Variants in HERC6 observed in about 807,000 individuals in gnomAD.
HERC6 encodes probable E3 ubiquitin-protein ligase HERC6.
In HERC6, 101 loss-of-function variants were observed where a neutral mutation model predicts 114.5. The observed-to-expected ratio is 0.88, with a 90% confidence interval of 0.75 to 1.04. HERC6 has a LOEUF of 1.04. Ranked by LOEUF, HERC6 falls within the 50% of genes least tolerant of loss-of-function variation. The pLI is 0.00. For missense variants in HERC6, 1,133 were observed against 1,230.9 expected, an observed-to-expected ratio of 0.92 and a Z score of 1.19; for synonymous variants, 408 against 436.2, an observed-to-expected ratio of 0.94 and a Z score of 0.81.
intron 8 of HERC6, among the ~76,000 whole-genome samples, chr4:88,401,398 C>T (rs1735529032): frequency 6.7e-6 from 1 of 148,774 alleles, no homozygotes; most frequent in Non-Finnish European, 1.5e-5. Flanking sequence ...GAGGCTGAGG[C>T]AGAGAATTGC....
intron 17 of HERC6, among the ~76,000 whole-genome samples, chr4:88,434,472 C>T (rs1369461620): frequency 2.0e-5 from 3 of 151,756 alleles, no homozygotes; most frequent in Non-Finnish European, 2.9e-5. Context: ...AATGGAGAGG[C>T]GAAGGCCTGA....
Position 88,384,977 on chromosome 4 carries a change from C to T in HERC6, c.360-522C>T, listed in dbSNP as rs142878496. On this transcript the variant is annotated intron_variant, in intron 2 of 22. Coordinates refer to ENST00000264346, the MANE Select transcript of HERC6 (RefSeq NM_017912.4). Reference sequence around the variant, plus strand: ...GGAGGAGGTTATAGTGAGCCAAGATCGCACCACTGCCCTCCAGCCTGGGTG... The same window carrying T: ...GGAGGAGGTTATAGTGAGCCAAGATTGCACCACTGCCCTCCAGCCTGGGTG... 6.9e-3 allele frequency among the ~76,000 whole-genome samples: 1,042 copies of T among 151,886 alleles called. 11 individuals carry two copies. Among genetic ancestry groups the T allele is most frequent in the South Asian group, 0.034 (164 of 4,802 alleles).
chr4:88,380,661 G>C (rs1734269941), intron 1 of HERC6, among the ~76,000 whole-genome samples: 1 of 149,326 alleles, frequency 6.7e-6, no homozygotes, highest in South Asian at 2.1e-4. Context: ...AGGTTGCAGT[G>C]AGCCGAAATC....
At chr4:88,410,079 C>G (rs12641473) in intron 11 of HERC6, among the ~76,000 whole-genome samples, 11,023 of 152,216 alleles carry the variant, frequency 0.072, 705 homozygotes, top group East Asian at 0.34. Flanking sequence ...TAAGACAGGT[C>G]TCAGTTAATT....
intron 14 of HERC6, 151 bp from the exon 15 acceptor site, chr4:88,424,444 A>G: frequency 1.6e-6 from 1 of 640,180 alleles, no homozygotes; most frequent in Non-Finnish European, 2.7e-6. Flanking sequence ...ATGCCCCTGC[A>G]CTCCAGCCTG....
intron 11 of HERC6, among the ~76,000 whole-genome samples, chr4:88,411,278 G>C (rs556197212): frequency 1.3e-5 from 2 of 152,064 alleles, no homozygotes; most frequent in Non-Finnish European, 2.9e-5. Context: ...CATAAAAAAG[G>C]GTTCTTAATG....
chr4:88,406,483 T>A (rs1408251398), intron 10 of HERC6, among the ~76,000 whole-genome samples: 2 of 152,314 alleles, frequency 1.3e-5, no homozygotes, highest in Admixed American at 1.3e-4. Context: ...GAGGAACTGT[T>A]GGATGCCAAT....
intron 13 of HERC6, among the ~76,000 whole-genome samples, chr4:88,421,336 GTTTAA>G (rs1348624530): frequency 2.0e-5 from 3 of 152,080 alleles, no homozygotes; most frequent in Admixed American, 6.6e-5. Flanking sequence ...GGCAACTCTA[GTTTAA>G]TCTTGTGAGG....
chr4:88,434,888 G>C lies in HERC6; in HGVS notation c.2251-837G>C, dbSNP rs56394242. On this transcript the variant is annotated intron_variant, in intron 17 of 22. Coordinates refer to ENST00000264346, the MANE Select transcript of HERC6 (RefSeq NM_017912.4). ...GGAAAGAAGACTGATTAGGTTTCAG[G>C]GGACCCCTTTGTCGATTACTTGTAT... Among the ~76,000 whole-genome samples the C allele has an allele frequency of 9.6e-3, 1,467 of 152,170 alleles. 30 individuals carry two copies. Among genetic ancestry groups the C allele is most frequent in the African/African-American group, 0.033 (1,362 of 41,506 alleles).
chr4:88,421,301 C>T (rs1309296271), intron 13 of HERC6, among the ~76,000 whole-genome samples: 2 of 152,248 alleles, frequency 1.3e-5, no homozygotes, highest in South Asian at 2.1e-4. Flanking sequence ...CGTATATACC[C>T]AAGAGTGGGA....
intron 12 of HERC6, among the ~76,000 whole-genome samples, chr4:88,414,310 AT>A (rs58308049): frequency 0.4 from 59,730 of 148,236 alleles, 14,159 homozygotes; most frequent in East Asian, 0.68. Context: ...GACTCTACCA[AT>A]TTTTTTTTTT....
Position 88,428,582 on chromosome 4 carries a change from G to C in HERC6, c.1938G>C (p.Met646Ile), listed in dbSNP as rs899976305. The change falls in exon 16 of 23, where the codon ATG becomes ATC. Residue 646 changes from methionine to isoleucine, a missense_variant and splice_region_variant. Met to Ile is a conservative substitution (Grantham distance 10). This residue lies in a region of HERC6 where 388 missense variants were observed against 445.9 expected (regional missense o/e 0.87). Coordinates refer to ENST00000264346, the MANE Select transcript of HERC6 (RefSeq NM_017912.4). ...AACTAAAAAATTTATTTTTCCAGATGTCAGAAAAGAAAGCATACATGCTTA... is the reference window on the plus strand; with the variant it reads ...AACTAAAAAATTTATTTTTCCAGATCTCAGAAAAGAAAGCATACATGCTTA... ...LQADSHIKMQ[M>I]SEKKAYMLMH... is the part of the protein sequence containing the mutation. 1 of 1,577,950 alleles carries C rather than the reference G, an allele frequency of 6.3e-7. No individual in the cohort carries two copies. Among genetic ancestry groups the C allele is most frequent in the Non-Finnish European group, 8.6e-7 (1 of 1,167,628 alleles).
rs185576513 is a variant in HERC6 at position 88,412,587 on chromosome 4, C to T, written c.1369-490C>T. Among the ~76,000 whole-genome samples the T allele has an allele frequency of 7.1e-4, 108 of 152,222 alleles. 1 individual carries two copies. The South Asian group carries it at 0.02, about 28-fold the overall frequency. On this transcript the variant is annotated intron_variant, in intron 11 of 22. Coordinates refer to ENST00000264346, the MANE Select transcript of HERC6 (RefSeq NM_017912.4). ...CTCCAGCTGTAATTGAGCCACTACA[C>T]GCTGAAGTAAAACTTTACCTCTGGA...
intron 11 of HERC6, among the ~76,000 whole-genome samples, chr4:88,409,236 A>G (rs1735961156): frequency 6.6e-6 from 1 of 152,208 alleles, no homozygotes; most frequent in African/African-American, 2.4e-5. Flanking sequence ...TACAAGAACA[A>G]TTCAGTTTTG....
chr4:88,440,372 T>G (rs1198083704), intron 22 of HERC6, 122 bp downstream of exon 22: 2 of 640,032 alleles, frequency 3.1e-6, no homozygotes, highest in Non-Finnish European at 5.5e-6. Context: ...GTTCTTTGTC[T>G]CACAGCCATG....
chr4:88,420,232 G>T (rs917893016), intron 13 of HERC6, among the ~76,000 whole-genome samples: 23 of 152,062 alleles, frequency 1.5e-4, no homozygotes, highest in African/African-American at 5.6e-4. Flanking sequence ...ATCTATCCTT[G>T]TACCTGTATA....
At chr4:88,439,776 T>A in intron 20 of HERC6, 98 bp from the exon 21 acceptor site, 1 of 1,175,918 alleles carries the variant, frequency 8.5e-7, no homozygotes, top group Non-Finnish European at 1.1e-6. Flanking sequence ...TACTTTTCCT[T>A]CTCAATAGAA....
intron 11 of HERC6, among the ~76,000 whole-genome samples, chr4:88,411,236 G>A (rs1237602267): frequency 6.6e-6 from 1 of 152,102 alleles, no homozygotes; most frequent in African/African-American, 2.4e-5. Flanking sequence ...CCCGGTGTAA[G>A]TTCCAAGGGA....
chr4:88,409,514 A>G (rs1465595200), intron 11 of HERC6, among the ~76,000 whole-genome samples: 2 of 152,244 alleles, frequency 1.3e-5, no homozygotes, highest in East Asian at 3.8e-4. Flanking sequence ...TTAAATGTAC[A>G]ATAGATACAA....
Sources: allele counts gnomAD v4.1 joint callset (sites outside exome capture counted in the v4.1 genomes callset), GRCh38; gene constraint gnomAD v4.1.1; regional missense constraint gnomAD v4.1.1; transcripts MANE v1.5; gene names NCBI Gene and HGNC (gene_info 2026-07-23, HGNC 2026-07-21).